MYT1L: variants seen among roughly 807,000 people sequenced by gnomAD.
MYT1L encodes myelin transcription factor 1 like, also known as myelin transcription factor 1-like protein.
MYT1L carries 12 observed loss-of-function variants against 126.7 expected under a neutral mutation model. The ratio of observed to expected loss-of-function variants is 0.09; its 90% CI spans 0.06 to 0.15. MYT1L has a LOEUF of 0.15. Among genes scored for constraint, MYT1L ranks in the 10% least tolerant of loss-of-function variants. The probability of loss-of-function intolerance (pLI) is 1.00; values close to 1 mark genes in which losing one functional copy is unlikely to be tolerated. For synonymous variants in MYT1L, 541 were observed against 604.2 expected (o/e 0.90, Z 1.53); for missense variants, 979 against 1,585.2 (o/e 0.62, Z 6.49).
chr2:2,262,785 A>C (rs1292633033), intron 2 of MYT1L, among the ~76,000 whole-genome samples: 1 of 150,878 alleles, frequency 6.6e-6, no homozygotes, highest in Non-Finnish European at 1.5e-5. Context: ...CCAAAGTCCA[A>C]ATGACTTCTG....
intron 8 of MYT1L, among the ~76,000 whole-genome samples, chr2:1,964,198 G>C (rs1282040118): frequency 6.6e-6 from 1 of 152,190 alleles, no homozygotes; most frequent in African/African-American, 2.4e-5. Flanking sequence ...GGTTGGCAGA[G>C]CAGTTGGAAC....
chr2:1,997,885 A>G (rs1214877337), intron 4 of MYT1L, among the ~76,000 whole-genome samples: 2 of 152,174 alleles, frequency 1.3e-5, no homozygotes, highest in Non-Finnish European at 2.9e-5. Context: ...TTTCTTACCC[A>G]TTATGTCATT....
At chr2:2,076,465 T>C (rs1254546812) in intron 3 of MYT1L, among the ~76,000 whole-genome samples, 1 of 152,164 alleles carries the variant, frequency 6.6e-6, no homozygotes, top group Non-Finnish European at 1.5e-5. Flanking sequence ...TAACTTATCC[T>C]GACCCAGGCA....
chr2:2,314,282 A>G (rs527998894), intron 1 of MYT1L, among the ~76,000 whole-genome samples: 1 of 152,358 alleles, frequency 6.6e-6, no homozygotes, highest in East Asian at 1.9e-4. Flanking sequence ...CCCCCATGTC[A>G]CTGTGAATCA....
chr2:2,260,993 T>C (rs992834333), intron 2 of MYT1L, among the ~76,000 whole-genome samples: 4 of 152,170 alleles, frequency 2.6e-5, no homozygotes, highest in African/African-American at 9.7e-5. Flanking sequence ...TTGTTAACGG[T>C]GTTATTTATC....
chr2:2,269,390 C>A (rs1469401739), intron 2 of MYT1L, among the ~76,000 whole-genome samples: 9 of 152,182 alleles, frequency 5.9e-5, no homozygotes, highest in Non-Finnish European at 1.0e-4. Flanking sequence ...GCAATAGCAT[C>A]TCTCAGTGTC....
chr2:1,907,645 G>A (rs936198350), intron 13 of MYT1L, among the ~76,000 whole-genome samples: 1 of 152,252 alleles, frequency 6.6e-6, no homozygotes, highest in Non-Finnish European at 1.5e-5. Context: ...GACTTGGCCA[G>A]GATTGGAAGC....
At chr2:2,016,257 G>A (rs2064376992) in intron 4 of MYT1L, among the ~76,000 whole-genome samples, 7 of 152,216 alleles carry the variant, frequency 4.6e-5, no homozygotes, top group Admixed American at 4.6e-4. Flanking sequence ...TGATATGCCA[G>A]GGGAGAGAGG....
intron 2 of MYT1L, among the ~76,000 whole-genome samples, chr2:2,206,167 G>T (rs2093311834): frequency 6.6e-6 from 1 of 151,896 alleles, no homozygotes; most frequent in Admixed American, 6.6e-5. Flanking sequence ...TAGTAGAGAT[G>T]GGGTTTCACC....
intron 3 of MYT1L, among the ~76,000 whole-genome samples, chr2:2,172,336 C>G (rs145976865): frequency 6.6e-6 from 1 of 152,238 alleles, no homozygotes; most frequent in African/African-American, 2.4e-5. Flanking sequence ...GCACCATTCC[C>G]TCCCCACTGG....
intron 3 of MYT1L, among the ~76,000 whole-genome samples, chr2:2,101,129 G>C (rs2078017171): frequency 6.6e-6 from 1 of 152,066 alleles, no homozygotes; most frequent in African/African-American, 2.4e-5. Context: ...GATTAAATTT[G>C]ATTGATTTTT....
intron 3 of MYT1L, among the ~76,000 whole-genome samples, chr2:2,107,846 C>G (rs1001248797): frequency 6.6e-6 from 1 of 152,116 alleles, no homozygotes; most frequent in Non-Finnish European, 1.5e-5. Flanking sequence ...GAGCAGAAGG[C>G]GGGCCGCTGC....
intron 21 of MYT1L, among the ~76,000 whole-genome samples, chr2:1,814,249 T>C (rs918346587): frequency 2.6e-5 from 4 of 152,010 alleles, no homozygotes; most frequent in Non-Finnish European, 4.4e-5. Context: ...CCTGTCCCCA[T>C]CCAACTGACC....
intron 4 of MYT1L, among the ~76,000 whole-genome samples, chr2:2,016,094 T>C (rs189801972): frequency 2.4e-4 from 36 of 152,360 alleles, no homozygotes; most frequent in Non-Finnish European, 4.3e-4. Flanking sequence ...AGCTAAAGCC[T>C]TGTAAGGATT....
At chr2:2,013,005 G>T (rs894188145) in intron 4 of MYT1L, among the ~76,000 whole-genome samples, 3 of 152,182 alleles carry the variant, frequency 2.0e-5, no homozygotes, top group African/African-American at 7.2e-5. Flanking sequence ...CATAGTATAT[G>T]GAGTTTTGGC....
At chr2:1,892,435 C>G in intron 14 of MYT1L, 148 bp from the exon 15 acceptor site, 1 of 1,052,096 alleles carries the variant, frequency 9.5e-7, no homozygotes, top group South Asian at 1.8e-5. Context: ...GTAAAGAAAA[C>G]AAACAACAGG....
chr2:2,254,687 C>T (rs1162142938), intron 2 of MYT1L, among the ~76,000 whole-genome samples: 1 of 152,158 alleles, frequency 6.6e-6, no homozygotes, highest in South Asian at 2.1e-4. Flanking sequence ...TGGCAAAGTT[C>T]CACAGAAAGA....
chr2:2,283,077 C>G (rs555337142), intron 2 of MYT1L, among the ~76,000 whole-genome samples: 4 of 152,038 alleles, frequency 2.6e-5, no homozygotes, highest in South Asian at 2.1e-4. Flanking sequence ...TCCATCCCCC[C>G]CAACACAAAA....
intron 2 of MYT1L, among the ~76,000 whole-genome samples, chr2:2,248,573 A>C (rs975181764): frequency 3.3e-5 from 5 of 152,160 alleles, no homozygotes; most frequent in African/African-American, 9.6e-5. Context: ...ACATCAAATA[A>C]AGAAAAATAC....
Sources: gnomAD v4.1 joint callset for allele counts (sites outside exome capture counted in the v4.1 genomes callset) on GRCh38, gnomAD v4.1.1 for gene constraint, MANE v1.5 for transcripts, NCBI Gene and HGNC (gene_info 2026-07-23, HGNC 2026-07-21) for gene names.